The following CDH12 variants were observed in gnomAD, a reference collection of about 807,000 sequenced individuals.
CDH12 encodes cadherin 12, also known as cadherin-12.
CDH12 carries 41 observed loss-of-function variants against 74.1 expected under a neutral mutation model. The observed-to-expected ratio is 0.55, with a 90% CI of 0.43 to 0.72. The LOEUF is 0.72. Ranked by LOEUF, CDH12 falls within the 30% of genes least tolerant of loss-of-function variation. The pLI, the probability that CDH12 is intolerant of heterozygous loss-of-function variation, is 0.00. For missense variants in CDH12, 945 were observed against 977.2 expected (o/e 0.97, Z 0.44); for synonymous variants, 399 against 355.0 (o/e 1.12, Z -1.39).
chr5:22,670,700 T>C (rs1740857576), intron 1 of CDH12, among the ~76,000 whole-genome samples: 1 of 152,048 alleles, frequency 6.6e-6, no homozygotes, highest in Non-Finnish European at 1.5e-5. Flanking sequence ...CCATGTGAAC[T>C]ATACATATTT....
intron 2 of CDH12, among the ~76,000 whole-genome samples, chr5:22,433,552 A>C (rs1744257494): frequency 6.6e-6 from 1 of 152,020 alleles, no homozygotes; most frequent in Non-Finnish European, 1.5e-5. Context: ...AGTAGAATAA[A>C]ATTTTAAAAT....
intron 1 of CDH12, among the ~76,000 whole-genome samples, chr5:22,591,380 T>A (rs144673537): frequency 6.6e-6 from 1 of 152,060 alleles, no homozygotes; most frequent in East Asian, 1.9e-4. Context: ...AAAATTAATA[T>A]CACAGAAATT....
At chr5:22,327,783 G>A (rs1331350512) in intron 3 of CDH12, among the ~76,000 whole-genome samples, 1 of 152,018 alleles carries the variant, frequency 6.6e-6, no homozygotes, top group Admixed American at 6.6e-5. Flanking sequence ...TAGGTTACAT[G>A]ACATGCTTTA....
At chr5:22,120,010 C>A (rs1745410855) in intron 4 of CDH12, among the ~76,000 whole-genome samples, 2 of 152,224 alleles carry the variant, frequency 1.3e-5, no homozygotes, top group South Asian at 4.1e-4. Flanking sequence ...CAAAGTGTAA[C>A]AAACTTGCCT....
intron 6 of CDH12, among the ~76,000 whole-genome samples, chr5:21,867,593 T>A (rs1751398615): frequency 6.6e-6 from 1 of 152,200 alleles, no homozygotes; most frequent in Admixed American, 6.5e-5. Context: ...TGAACTTGCT[T>A]GGGGCCTGTA....
chr5:21,755,695 G>A lies in CDH12; in HGVS notation c.1781C>T (p.Ser594Phe), dbSNP rs1397613492. 3 of 1,614,112 alleles carry A rather than the reference G, an allele frequency of 1.9e-6. No individual in the cohort carries two copies. The South Asian group carries it at 3.3e-5, about 18-fold the overall frequency. The change falls in exon 14 of 15, where the codon TCT (serine) becomes TTT (phenylalanine). Residue 594 changes from serine to phenylalanine, a missense_variant. This residue lies in a region of CDH12 where 791 missense variants were observed against 792.8 expected (regional missense o/e 1.00). Transcript: ENST00000382254. ...TMTIRVCRCD[S>F]DGTILSCNVE... is the part of the protein sequence containing the mutation. Reference sequence around the variant, plus strand: ...ATTACAAGACAGGATGGTGCCATCAGAGTCACATCTACAGACTCGAATAGT... The same window carrying A: ...ATTACAAGACAGGATGGTGCCATCAAAGTCACATCTACAGACTCGAATAGT...
intron 3 of CDH12, among the ~76,000 whole-genome samples, chr5:22,332,701 A>G (rs1304797010): frequency 6.6e-6 from 1 of 152,214 alleles, no homozygotes; most frequent in Admixed American, 6.5e-5. Context: ...TGCAGCCAAA[A>G]AACATATGAA....
rs142740903 is a variant in CDH12, at chr5:22,570,105, G to C, written c.-522-64741C>G. Among the ~76,000 whole-genome samples, 664 of 151,988 alleles carry C rather than the reference G, an allele frequency of 4.4e-3. 2 individuals are homozygous for C. Among genetic ancestry groups the C allele is most frequent in the African/African-American group, 0.015 (641 of 41,432 alleles). ...GAGTCTCGCTGCGATGCCCAGGCTGGAGTGCAGTGGAGTGATCTCGGCTCA... is the reference window on the plus strand; with the variant it reads ...GAGTCTCGCTGCGATGCCCAGGCTGCAGTGCAGTGGAGTGATCTCGGCTCA... On this transcript the variant is annotated intron_variant, in intron 1 of 14. Transcript: ENST00000382254.
intron 1 of CDH12, among the ~76,000 whole-genome samples, chr5:22,778,252 T>G (rs1292294986): frequency 6.6e-6 from 1 of 152,234 alleles, no homozygotes; most frequent in Non-Finnish European, 1.5e-5. Flanking sequence ...TTCAGCCTTG[T>G]GGGCTTGCTA....
intron 1 of CDH12, among the ~76,000 whole-genome samples, chr5:22,572,316 T>G (rs1215170739): frequency 6.6e-6 from 1 of 152,198 alleles, no homozygotes; most frequent in Admixed American, 6.5e-5. Flanking sequence ...TATTGACTAC[T>G]GGTGGGTCAA....
At chr5:22,049,554 T>C (rs1740204612) in intron 5 of CDH12, among the ~76,000 whole-genome samples, 1 of 152,154 alleles carries the variant, frequency 6.6e-6, no homozygotes, top group Non-Finnish European at 1.5e-5. Context: ...TCCCTGTTAA[T>C]ACATCTAACT....
At chr5:22,762,777 ATGTCT>A (rs1746295038) in intron 1 of CDH12, among the ~76,000 whole-genome samples, 1 of 152,070 alleles carries the variant, frequency 6.6e-6, no homozygotes, top group Admixed American at 6.6e-5. Context: ...CTGAGCAAAC[ATGTCT>A]TGTATTAGGA....
At chr5:22,186,445 G>A (rs1205158914) in intron 4 of CDH12, among the ~76,000 whole-genome samples, 1 of 152,140 alleles carries the variant, frequency 6.6e-6, no homozygotes, top group Non-Finnish European at 1.5e-5. Context: ...AGATACAGCA[G>A]CCAAAATCTA....
chr5:22,707,516 C>G (rs532993391), intron 1 of CDH12, among the ~76,000 whole-genome samples: 1 of 152,198 alleles, frequency 6.6e-6, no homozygotes, highest in East Asian at 1.9e-4. Flanking sequence ...TGTCTTTGAA[C>G]TATCATCAGT....
At chr5:21,835,001 G>A (rs1749450868) in intron 8 of CDH12, among the ~76,000 whole-genome samples, 1 of 151,888 alleles carries the variant, frequency 6.6e-6, no homozygotes, top group African/African-American at 2.4e-5. Flanking sequence ...TGATAAGAGT[G>A]GCAATTCACC....
At chr5:22,033,058 C>T (rs926002695) in intron 5 of CDH12, among the ~76,000 whole-genome samples, 4 of 149,078 alleles carry the variant, frequency 2.7e-5, no homozygotes, top group Admixed American at 6.7e-5. Context: ...AAAAATGGGG[C>T]CAGGCTGACT....
intron 1 of CDH12, among the ~76,000 whole-genome samples, chr5:22,573,840 C>T (rs1739651957): frequency 6.6e-6 from 1 of 152,018 alleles, no homozygotes; most frequent in Non-Finnish European, 1.5e-5. Context: ...TGTAGAGGAT[C>T]AATATAGACT....
In CDH12 at chr5:21,783,350, A is replaced by G. The variant is rs1179857670; in HGVS notation, c.1393+8T>C. On this transcript the variant is annotated splice_region_variant and intron_variant, in intron 11 of 14. Coordinates refer to ENST00000382254, the MANE Select transcript of CDH12 (RefSeq NM_004061.5). ...GTATAACATTGATTCTGTCCATGCC[A>G]TACTTACTAACTTTACTCGCAATTA... 2 of 1,611,834 alleles carry G rather than the reference A, an allele frequency of 1.2e-6. No homozygotes were observed. The highest frequency in any genetic ancestry group is 2.2e-5 in the South Asian group (2 of 90,944).
At chr5:22,242,221 G>A (rs1752776591) in intron 3 of CDH12, among the ~76,000 whole-genome samples, 1 of 152,032 alleles carries the variant, frequency 6.6e-6, no homozygotes, top group African/African-American at 2.4e-5. Flanking sequence ...GCTCAAATAT[G>A]AATAATAATA....
Sources: allele counts gnomAD v4.1 joint callset (sites outside exome capture counted in the v4.1 genomes callset), GRCh38; gene constraint gnomAD v4.1.1; regional missense constraint gnomAD v4.1.1; transcripts MANE v1.5; gene names NCBI Gene and HGNC (gene_info 2026-07-23, HGNC 2026-07-21).